PMS1: variants seen among roughly 807,000 people sequenced by gnomAD.
PMS1 encodes the protein PMS1 protein homolog 1.
A neutral mutation model predicts 93.1 loss-of-function variants in PMS1; 79 were observed. That is an observed-to-expected ratio of 0.85 (90% CI 0.71 to 1.02). The LOEUF (loss-of-function observed/expected upper bound fraction) is 1.02, where lower values mean the gene tolerates loss of function less well. Among genes scored for constraint, PMS1 ranks in the 50% least tolerant of loss-of-function variants. PMS1 has a pLI of 0.00. For missense variants in PMS1, 1,064 were observed against 1,085.3 expected (o/e 0.98, Z 0.28); for synonymous variants, 335 against 363.4 (o/e 0.92, Z 0.89).
intron 11 of PMS1, 77 bp downstream of exon 11, chr2:189,868,006 T>G: frequency 8.3e-7 from 1 of 1,200,520 alleles, no homozygotes; most frequent in Non-Finnish European, 1.2e-6. Context: ...GGTTTCATGA[T>G]TTACAGATAT....
intron 5 of PMS1, among the ~76,000 whole-genome samples, chr2:189,842,330 T>C (rs2053882766): frequency 6.6e-6 from 1 of 152,106 alleles, no homozygotes; most frequent in Non-Finnish European, 1.5e-5. Flanking sequence ...CCTGCCCCTT[T>C]AATGCTGATA....
At chr2:189,828,519 A>C (rs2052646884) in intron 5 of PMS1, among the ~76,000 whole-genome samples, 1 of 152,240 alleles carries the variant, frequency 6.6e-6, no homozygotes, top group African/African-American at 2.4e-5. Context: ...CTTCACTGTA[A>C]TAAAGCATCT....
intron 5 of PMS1, among the ~76,000 whole-genome samples, chr2:189,826,342 G>C (rs533589653): frequency 6.6e-6 from 1 of 152,022 alleles, no homozygotes; most frequent in Non-Finnish European, 1.5e-5. Flanking sequence ...TGGAAAGTTT[G>C]GGTGTGTTTT....
At chr2:189,793,751 C>CT (rs2049095220) in intron 2 of PMS1, among the ~76,000 whole-genome samples, 1 of 152,176 alleles carries the variant, frequency 6.6e-6, no homozygotes, top group Non-Finnish European at 1.5e-5. Context: ...ATTTTAGTCT[C>CT]TTGACATTTA....
At chr2:189,802,292 A>G (rs2049960438) in intron 3 of PMS1, among the ~76,000 whole-genome samples, 1 of 152,238 alleles carries the variant, frequency 6.6e-6, no homozygotes, top group African/African-American at 2.4e-5. Flanking sequence ...TGTTGACCGG[A>G]AGATAACATA....
chr2:189,824,767 C>T (rs370518489), intron 5 of PMS1, among the ~76,000 whole-genome samples: 1 of 152,004 alleles, frequency 6.6e-6, no homozygotes, highest in East Asian at 1.9e-4. Flanking sequence ...TATTTATGTT[C>T]AAGCTTTTTT....
intron 5 of PMS1, among the ~76,000 whole-genome samples, chr2:189,825,577 A>G (rs1449063978): frequency 2.0e-5 from 3 of 152,330 alleles, no homozygotes; most frequent in Middle Eastern, 3.4e-3. Flanking sequence ...GGCTACTCCT[A>G]TATACATTAT....
chr2:189,784,825 C>G (rs554035743), intron 1 of PMS1: 3 of 152,304 alleles, frequency 2.0e-5, no homozygotes, highest in Non-Finnish European at 2.9e-5. Flanking sequence ...TTCCCCAGAC[C>G]CTTCTGGGTG....
chr2:189,795,642 T>C (rs1575039631), intron 2 of PMS1, 127 bp from the exon 3 acceptor site: 5 of 769,576 alleles, frequency 6.5e-6, no homozygotes, highest in Non-Finnish European at 1.1e-5. Flanking sequence ...TTTAAACTCT[T>C]ATATCCATAA....
chr2:189,851,224 G>A (rs1371024421), intron 6 of PMS1, among the ~76,000 whole-genome samples: 1 of 152,092 alleles, frequency 6.6e-6, no homozygotes, highest in East Asian at 1.9e-4. Flanking sequence ...TAATTATTAA[G>A]TGGCCAACCA....
chr2:189,799,320 A>T (rs989068729), intron 3 of PMS1, among the ~76,000 whole-genome samples: 1 of 151,836 alleles, frequency 6.6e-6, no homozygotes, highest in Non-Finnish European at 1.5e-5. Flanking sequence ...CCACATATAG[A>T]TGTGTGTGTG....
chr2:189,810,480 G>A (rs1329428510), intron 4 of PMS1, among the ~76,000 whole-genome samples: 1 of 152,132 alleles, frequency 6.6e-6, no homozygotes, highest in African/African-American at 2.4e-5. Flanking sequence ...AAATAAGGGA[G>A]CTTTTATGGT....
intron 10 of PMS1, 57 bp from the exon 11 acceptor site, chr2:189,867,742 G>A (rs1035639908): frequency 2.9e-5 from 38 of 1,326,990 alleles, no homozygotes; most frequent in East Asian, 1.4e-4. Context: ...ACTTTTTCCC[G>A]TAAACCCCCT....
intron 3 of PMS1, among the ~76,000 whole-genome samples, chr2:189,799,862 A>T (rs2049725644): frequency 6.6e-6 from 1 of 152,202 alleles, no homozygotes; most frequent in Non-Finnish European, 1.5e-5. Flanking sequence ...TCAGGACAAC[A>T]TTGCCCTATG....
chr2:189,820,900 C>A (rs1244912863), intron 5 of PMS1, among the ~76,000 whole-genome samples: 6 of 152,122 alleles, frequency 3.9e-5, no homozygotes, highest in African/African-American at 1.4e-4. Context: ...GCAACCTGTT[C>A]TTGTTGGCAT....
chr2:189,834,104 C>T (rs918227684), intron 5 of PMS1, among the ~76,000 whole-genome samples: 7 of 152,144 alleles, frequency 4.6e-5, no homozygotes, highest in South Asian at 2.1e-4. Flanking sequence ...CACAGCACAG[C>T]GCCTGCTCCA....
intron 5 of PMS1, among the ~76,000 whole-genome samples, chr2:189,842,991 T>C (rs1170600533): frequency 1.5e-5 from 2 of 137,132 alleles, no homozygotes; most frequent in East Asian, 2.0e-4. Flanking sequence ...CACACACATA[T>C]ATGTGTGTGT....
intron 1 of PMS1, among the ~76,000 whole-genome samples, chr2:189,787,398 T>G (rs754427113): frequency 9.2e-5 from 14 of 152,178 alleles, no homozygotes; most frequent in Non-Finnish European, 1.8e-4. Flanking sequence ...AGATACATAA[T>G]ACATAATTTC....
At chr2:189,815,374 A>G (rs2051203322) in intron 4 of PMS1, among the ~76,000 whole-genome samples, 1 of 152,096 alleles carries the variant, frequency 6.6e-6, no homozygotes, top group Non-Finnish European at 1.5e-5. Flanking sequence ...TCGAATTGTA[A>G]TCTCCATGTG....
Sources: gnomAD v4.1 joint callset for allele counts (sites outside exome capture counted in the v4.1 genomes callset) on GRCh38, gnomAD v4.1.1 for gene constraint, MANE v1.5 for transcripts, NCBI Gene and HGNC (gene_info 2026-07-23, HGNC 2026-07-21) for gene names.